The following LRMDA variants were observed in gnomAD, a reference collection of about 807,000 sequenced individuals.
The protein encoded by LRMDA is leucine-rich melanocyte differentiation-associated protein.
LRMDA carries 18 observed loss-of-function variants against 29.8 expected under a neutral mutation model. The observed-to-expected ratio is 0.60, with a 90% confidence interval of 0.42 to 0.90. The LOEUF is 0.90. Among genes scored for constraint, LRMDA ranks in the 40% least tolerant of loss-of-function variants. The pLI, the probability that LRMDA is intolerant of heterozygous loss-of-function variation, is 0.00. For synonymous variants in LRMDA, 125 were observed against 109.4 expected (o/e 1.14, Z -0.89); for missense variants, 273 against 273.9 (o/e 1.00, Z 0.02).
In LRMDA at chr10:76,258,636, G is replaced by A. The variant is rs558757829; in HGVS notation, c.517-65765G>A. ...TTTGCTTTACCCTTCCCAGCCTCTT[G>A]TATCATCTCTTCCACTTTTCATTTC... On this transcript the variant is annotated intron_variant, in intron 5 of 6. Transcript: ENST00000611255. Among the ~76,000 whole-genome samples the A allele has an allele frequency of 8.6e-5, 13 of 151,970 alleles. No homozygotes were observed. The East Asian group carries it at 1.5e-3, about 18-fold the overall frequency.
chr10:75,934,941 G>A (rs934124283), intron 2 of LRMDA, among the ~76,000 whole-genome samples: 4 of 152,034 alleles, frequency 2.6e-5, no homozygotes, highest in Admixed American at 6.5e-5. Context: ...GTCCATCAGC[G>A]GAGATTTCCC....
At chr10:75,528,423 A>C (rs1845438696) in intron 2 of LRMDA, among the ~76,000 whole-genome samples, 1 of 152,224 alleles carries the variant, frequency 6.6e-6, no homozygotes, top group African/African-American at 2.4e-5. Context: ...ATATTAATCA[A>C]ACATACACAT....
At chr10:75,473,763 T>C (rs1303022449) in intron 2 of LRMDA, among the ~76,000 whole-genome samples, 3 of 152,190 alleles carry the variant, frequency 2.0e-5, no homozygotes, top group Non-Finnish European at 4.4e-5. Flanking sequence ...TGGAAACTGC[T>C]CAGTAAGTGT....
At chr10:76,436,906 T>C (rs1842250425) in intron 6 of LRMDA, among the ~76,000 whole-genome samples, 2 of 152,070 alleles carry the variant, frequency 1.3e-5, no homozygotes. Context: ...AGAGCCAGTG[T>C]CGCCCACCTT....
At chr10:76,379,986 A>G (rs1203113435) in intron 6 of LRMDA, among the ~76,000 whole-genome samples, 2 of 152,200 alleles carry the variant, frequency 1.3e-5, no homozygotes, top group African/African-American at 4.8e-5. Context: ...ATTCAGAAGC[A>G]AGTTGTTTCA....
At chr10:76,083,854 G>C (rs747346594) in intron 5 of LRMDA, among the ~76,000 whole-genome samples, 3 of 151,340 alleles carry the variant, frequency 2.0e-5, no homozygotes, top group Non-Finnish European at 4.4e-5. Flanking sequence ...AAAAAAAGGG[G>C]CTCTAGTGCA....
chr10:76,537,325 CAG>C (rs2132380152), intron 6 of LRMDA, among the ~76,000 whole-genome samples: 1 of 152,324 alleles, frequency 6.6e-6, no homozygotes, highest in Non-Finnish European at 1.5e-5. Flanking sequence ...TGCACACACA[CAG>C]TCATATGTGT....
At chr10:76,290,150 G>T (rs1293335403) in intron 5 of LRMDA, among the ~76,000 whole-genome samples, 1 of 151,974 alleles carries the variant, frequency 6.6e-6, no homozygotes, top group African/African-American at 2.4e-5. Flanking sequence ...AGACTTTTAG[G>T]GTATCCTAAA....
At chr10:75,693,160 G>A (rs1167109435) in intron 2 of LRMDA, among the ~76,000 whole-genome samples, 3 of 152,150 alleles carry the variant, frequency 2.0e-5, no homozygotes, top group Non-Finnish European at 4.4e-5. Flanking sequence ...AAACAGCTTC[G>A]CTTGGAGAGA....
chr10:76,044,496 T>C (rs958255708), intron 3 of LRMDA, among the ~76,000 whole-genome samples: 39 of 151,184 alleles, frequency 2.6e-4, no homozygotes, highest in African/African-American at 8.3e-4. Flanking sequence ...TATTTAAAGA[T>C]AGAAACTGCT....
intron 5 of LRMDA, among the ~76,000 whole-genome samples, chr10:76,264,197 A>G (rs1005678507): frequency 6.6e-6 from 1 of 152,040 alleles, no homozygotes; most frequent in African/African-American, 2.4e-5. Context: ...CCAGGAGTTC[A>G]AGACCAGCCT....
intron 6 of LRMDA, among the ~76,000 whole-genome samples, chr10:76,487,358 A>G (rs1344839477): frequency 6.6e-6 from 1 of 151,960 alleles, no homozygotes; most frequent in Admixed American, 6.6e-5. Flanking sequence ...TAGGCAACAG[A>G]AATGAAAAAT....
chr10:75,476,965 C>G (rs1844801437), intron 2 of LRMDA, among the ~76,000 whole-genome samples: 1 of 151,766 alleles, frequency 6.6e-6, no homozygotes, highest in Non-Finnish European at 1.5e-5. Context: ...GTGTCCTGAT[C>G]ACCTCCTCCT....
intron 2 of LRMDA, among the ~76,000 whole-genome samples, chr10:75,700,437 CTTTTTTTTT>C (rs1156446140): frequency 7.4e-6 from 1 of 135,706 alleles, no homozygotes; most frequent in Non-Finnish European, 1.6e-5. Flanking sequence ...CTTTCTCATT[CTTTTTTTTT>C]TTTTTTTGAG....
intron 2 of LRMDA, among the ~76,000 whole-genome samples, chr10:75,886,846 C>T (rs536583516): frequency 9.2e-5 from 14 of 152,196 alleles, no homozygotes; most frequent in Admixed American, 2.0e-4. Context: ...TAAAGTGTCT[C>T]AGGTCACACG....
chr10:76,386,124 T>C (rs777241517), intron 6 of LRMDA, among the ~76,000 whole-genome samples: 9 of 152,210 alleles, frequency 5.9e-5, no homozygotes, highest in Non-Finnish European at 1.0e-4. Flanking sequence ...ACTTGACATA[T>C]CTGGCTATTA....
chr10:75,988,862 A>G (rs1430852497), intron 2 of LRMDA, among the ~76,000 whole-genome samples: 1 of 151,912 alleles, frequency 6.6e-6, no homozygotes, highest in Non-Finnish European at 1.5e-5. Context: ...GACCTATTGG[A>G]TGTCTTTTTC....
intron 2 of LRMDA, among the ~76,000 whole-genome samples, chr10:75,545,459 G>A (rs1249538576): frequency 6.6e-6 from 1 of 152,148 alleles, no homozygotes; most frequent in Non-Finnish European, 1.5e-5. Flanking sequence ...ACCTTTCTAA[G>A]CCTCAGTTTC....
intron 6 of LRMDA, among the ~76,000 whole-genome samples, chr10:76,395,905 T>C (rs555858378): frequency 6.6e-6 from 1 of 152,286 alleles, no homozygotes; most frequent in Non-Finnish European, 1.5e-5. Context: ...CTGTAAGAGA[T>C]AGTACTATAC....
Sources: gnomAD v4.1 joint callset for allele counts (sites outside exome capture counted in the v4.1 genomes callset) on GRCh38, gnomAD v4.1.1 for gene constraint, MANE v1.5 for transcripts, NCBI Gene and HGNC (gene_info 2026-07-23, HGNC 2026-07-21) for gene names.